SUSD3: variants seen among roughly 807,000 people sequenced by gnomAD.
SUSD3 encodes the protein sushi domain-containing protein 3.
In SUSD3, 18 loss-of-function variants were observed where a neutral mutation model predicts 20.6. The observed-to-expected ratio is 0.87, with a 90% CI of 0.60 to 1.30. SUSD3 has a LOEUF of 1.30. Among genes scored for constraint, SUSD3 ranks in the 50% most tolerant of loss-of-function variants. The pLI is 0.00. For synonymous variants in SUSD3, 137 were observed against 141.5 expected, an observed-to-expected ratio of 0.97 and a Z score of 0.23; for missense variants, 306 against 346.9, an observed-to-expected ratio of 0.88 and a Z score of 0.94.
At chr9:93,078,806 CT>C (rs201477487) in intron 3 of SUSD3, among the ~76,000 whole-genome samples, 93 of 148,186 alleles carry the variant, frequency 6.3e-4, no homozygotes, top group Admixed American at 1.3e-3. Context: ...AAAACTTAAC[CT>C]TTTTTTTTTT....
intron 1 of SUSD3, among the ~76,000 whole-genome samples, chr9:93,074,431 CAAAAAAAAA>C (rs56872294): frequency 4.4e-4 from 17 of 38,876 alleles, no homozygotes; most frequent in East Asian, 9.7e-4. Flanking sequence ...GACTCTGACT[CAAAAAAAAA>C]AAAAAAAAAA....
At chr9:93,072,805 G>A (rs1825962403) in intron 1 of SUSD3, among the ~76,000 whole-genome samples, 1 of 152,194 alleles carries the variant, frequency 6.6e-6, no homozygotes, top group African/African-American at 2.4e-5. Flanking sequence ...ATTGGTTGTG[G>A]ATTGAGAAAG....
At chr9:93,080,447 G>A (rs1327642767) in intron 4 of SUSD3, among the ~76,000 whole-genome samples, 4 of 152,112 alleles carry the variant, frequency 2.6e-5, no homozygotes, top group Non-Finnish European at 5.9e-5. Context: ...CCTTAAACTG[G>A]TATGGGCCTT....
intron 1 of SUSD3, among the ~76,000 whole-genome samples, chr9:93,074,446 A>T (rs1046537098): frequency 7.7e-6 from 1 of 130,532 alleles, no homozygotes; most frequent in African/African-American, 2.5e-5. Context: ...AAAAAAAAAA[A>T]AAAAAAAAAA....
Position 93,064,683 on chromosome 9 carries a change from G to A in SUSD3, c.88+5853G>A, listed in dbSNP as rs918905281. Among the ~76,000 whole-genome samples the A allele has an allele frequency of 3.9e-5, 6 of 152,208 alleles. No individual in the cohort carries two copies. In the East Asian group the frequency reaches 5.8e-4, roughly 15 times the overall value. ...ACAGGGCTCAGCACAACACACGGGC[G>A]GGCAGGGGGAGGAGCTGCTCCTTCT... On this transcript the variant is annotated intron_variant, in intron 1 of 4. Transcript: ENST00000375472.
intron 1 of SUSD3, among the ~76,000 whole-genome samples, chr9:93,068,176 A>G (rs1825784964): frequency 6.6e-6 from 1 of 152,196 alleles, no homozygotes; most frequent in Non-Finnish European, 1.5e-5. Context: ...CACTTTATTG[A>G]ATGTCCTTTA....
At chr9:93,072,713 A>G (rs1243361847) in intron 1 of SUSD3, among the ~76,000 whole-genome samples, 2 of 152,230 alleles carry the variant, frequency 1.3e-5, no homozygotes, top group African/African-American at 4.8e-5. Context: ...AGATGTGAAT[A>G]AATCTGGGGG....
chr9:93,059,121 C>T (rs1564181764), intron 1 of SUSD3, among the ~76,000 whole-genome samples: 1 of 152,144 alleles, frequency 6.6e-6, no homozygotes, highest in Non-Finnish European at 1.5e-5. Flanking sequence ...GCGCGGCCGG[C>T]CAAGCCTCTC....
chr9:93,069,192 C>T, intron 1 of SUSD3: 1 of 699,598 alleles, frequency 1.4e-6, no homozygotes, highest in Non-Finnish European at 2.6e-6. Flanking sequence ...GTGATGAAAT[C>T]TCACCCATCC....
At chr9:93,069,110 T>C (rs1446645135) in intron 1 of SUSD3, 30 of 702,636 alleles carry the variant, frequency 4.3e-5, no homozygotes, top group Admixed American at 1.0e-4. Context: ...ATGAAAAACA[T>C]AGGCCTTGTG....
chr9:93,078,143 C>A (rs753652901), intron 3 of SUSD3, 150 bp downstream of exon 3: 34 of 1,110,834 alleles, frequency 3.1e-5, no homozygotes, highest in East Asian at 1.8e-4. Context: ...CGTCTCCCCC[C>A]CAAGTGCTGC....
chr9:93,078,106 G>A (rs548492721), intron 3 of SUSD3, 113 bp downstream of exon 3: 26 of 1,421,442 alleles, frequency 1.8e-5, no homozygotes, highest in Admixed American at 1.4e-4. Context: ...CAGGGCACCC[G>A]TTCCTACCAC....
At chr9:93,064,779 G>C (rs548912888) in intron 1 of SUSD3, among the ~76,000 whole-genome samples, 36 of 152,234 alleles carry the variant, frequency 2.4e-4, no homozygotes, top group African/African-American at 8.2e-4. Flanking sequence ...TCCAGTCCTC[G>C]CCCCACCCTG....
chr9:93,059,703 G>A (rs1036757137), intron 1 of SUSD3, among the ~76,000 whole-genome samples: 2 of 152,174 alleles, frequency 1.3e-5, no homozygotes, highest in Non-Finnish European at 2.9e-5. Context: ...CCCGGAGTGG[G>A]GTGGGCTGGA....
At chr9:93,073,788 C>A (rs181033276) in intron 1 of SUSD3, among the ~76,000 whole-genome samples, 36 of 152,316 alleles carry the variant, frequency 2.4e-4, no homozygotes, top group Admixed American at 1.6e-3. Context: ...TGAAAAGTAA[C>A]CAGCTGCTGA....
At chr9:93,069,013 C>G (rs1321557302) in intron 1 of SUSD3, 5 of 640,248 alleles carry the variant, frequency 7.8e-6, no homozygotes, top group Admixed American at 7.0e-5. Flanking sequence ...TGTGGTCTCT[C>G]TCTCTCTAAA....
At position 93,084,933 on chromosome 9, in the gene SUSD3, G is replaced by T; in HGVS notation, c.*186G>T. 2.0e-6 allele frequency: 1 copy of T among 509,912 alleles called. No individual in the cohort carries two copies. The highest frequency in any genetic ancestry group is 3.3e-6 in the Non-Finnish European group (1 of 300,324). The allele number at this position is 509,912 out of a possible 1,614,324, so 31.6% of individuals were successfully genotyped here. Reference sequence around the variant, plus strand: ...CATCCAAGGCTGAGGACCCCAGTGGGGAGTGTTCTGTTCCGGCATATCCTG... The same window carrying T: ...CATCCAAGGCTGAGGACCCCAGTGGTGAGTGTTCTGTTCCGGCATATCCTG... On this transcript the variant is annotated 3_prime_UTR_variant, in exon 5 of 5. Coordinates refer to ENST00000375472, the MANE Select transcript of SUSD3 (RefSeq NM_145006.4).
intron 4 of SUSD3, among the ~76,000 whole-genome samples, chr9:93,080,334 A>G (rs1334421784): frequency 6.6e-6 from 1 of 151,508 alleles, no homozygotes; most frequent in Non-Finnish European, 1.5e-5. Flanking sequence ...AAAAAAAAAA[A>G]AAAAAACAAA....
intron 1 of SUSD3, among the ~76,000 whole-genome samples, chr9:93,065,123 A>G (rs1418116106): frequency 1.3e-5 from 2 of 152,152 alleles, no homozygotes; most frequent in Admixed American, 1.3e-4. Flanking sequence ...GGATGTGCCC[A>G]GGGGATCAGT....
Sources: allele counts gnomAD v4.1 joint callset (sites outside exome capture counted in the v4.1 genomes callset), GRCh38; gene constraint gnomAD v4.1.1; transcripts MANE v1.5; gene names NCBI Gene and HGNC (gene_info 2026-07-23, HGNC 2026-07-21).